Variants in MAP2K4 observed in about 807,000 individuals in gnomAD.
MAP2K4 encodes mitogen-activated protein kinase kinase 4.
MAP2K4 carries 4 observed loss-of-function variants against 48.5 expected under a neutral mutation model. The ratio of observed to expected loss-of-function variants is 0.08; its 90% CI spans 0.04 to 0.19. The LOEUF (loss-of-function observed/expected upper bound fraction) is 0.19, where lower values mean the gene tolerates loss of function less well. MAP2K4 is among the 10% of genes least tolerant of loss of function. The pLI, the probability that MAP2K4 is intolerant of heterozygous loss-of-function variation, is 1.00. For missense variants in MAP2K4, 258 were observed against 493.3 expected (o/e 0.52, Z 4.52); for synonymous variants, 166 against 173.1 (o/e 0.96, Z 0.32).
intron 2 of MAP2K4, among the ~76,000 whole-genome samples, chr17:12,065,648 C>G (rs978069163): frequency 6.6e-6 from 1 of 152,114 alleles, no homozygotes; most frequent in Non-Finnish European, 1.5e-5. Flanking sequence ...GTTGGCCAGG[C>G]TTGTCTCGAA....
chr17:12,124,471 G>C (rs1972788385), intron 7 of MAP2K4: 1 of 152,120 alleles, frequency 6.6e-6, no homozygotes, highest in South Asian at 2.1e-4. Flanking sequence ...ACACATATGT[G>C]TAGTGATAAA....
chr17:12,114,455 T>G (rs1000554449), intron 7 of MAP2K4, among the ~76,000 whole-genome samples: 1 of 151,974 alleles, frequency 6.6e-6, no homozygotes, highest in South Asian at 2.1e-4. Context: ...TTTAAACTTT[T>G]GGTTTTGTGG....
chr17:12,031,116 G>T (rs552924422), intron 1 of MAP2K4, among the ~76,000 whole-genome samples: 14 of 152,288 alleles, frequency 9.2e-5, no homozygotes, highest in Admixed American at 7.8e-4. Flanking sequence ...TTCTAGGTTT[G>T]CCCTAGTACT....
chr17:12,077,392 T>C (rs1180679743), intron 2 of MAP2K4, among the ~76,000 whole-genome samples: 1 of 152,212 alleles, frequency 6.6e-6, no homozygotes, highest in East Asian at 1.9e-4. Flanking sequence ...TAATTAAAAT[T>C]AAGTTTGTTT....
At chr17:12,096,174 ATAATCCTGAAG>A (rs1022189651) in intron 4 of MAP2K4, among the ~76,000 whole-genome samples, 4 of 148,074 alleles carry the variant, frequency 2.7e-5, no homozygotes, top group Non-Finnish European at 5.9e-5. Flanking sequence ...GTCCCTGCCC[ATAATCCTGAAG>A]TATACCCATC....
At chr17:12,122,715 A>G (rs986390398) in intron 7 of MAP2K4, among the ~76,000 whole-genome samples, 3 of 152,190 alleles carry the variant, frequency 2.0e-5, no homozygotes, top group African/African-American at 7.2e-5. Flanking sequence ...TATGCCCAAT[A>G]TTAATTAAAA....
intron 2 of MAP2K4, among the ~76,000 whole-genome samples, chr17:12,064,065 C>T (rs947558458): frequency 4.6e-5 from 7 of 151,250 alleles, no homozygotes; most frequent in African/African-American, 1.7e-4. Context: ...AGAAAACATT[C>T]ACAATGTATA....
In MAP2K4 at chr17:12,142,915, C is replaced by A. The variant is rs1210067401; in HGVS notation, c.*1655C>A. ...GATGCAGGTGATGCCATTACAGAAC[C>A]AAATCGTGGCACGTATTGCTGTGTC... On this transcript the variant is annotated 3_prime_UTR_variant, in exon 11 of 11. Coordinates refer to ENST00000353533, the MANE Select transcript of MAP2K4 (RefSeq NM_003010.4). The A allele has an allele frequency of 2.1e-5, 5 of 232,638 alleles. No individual in the cohort carries two copies. Among genetic ancestry groups the A allele is most frequent in the Non-Finnish European group, 4.2e-5 (5 of 117,730 alleles). The allele number at this position is 232,638 out of a possible 1,614,324, so 14.4% of individuals were successfully genotyped here.
chr17:12,127,882 A>G (rs1972900716), intron 8 of MAP2K4, among the ~76,000 whole-genome samples: 1 of 152,212 alleles, frequency 6.6e-6, no homozygotes, highest in South Asian at 2.1e-4. Context: ...GAGCTGACAG[A>G]GGCATCCTTT....
At chr17:12,031,928 G>T (rs1275466083) in intron 1 of MAP2K4, among the ~76,000 whole-genome samples, 1 of 152,104 alleles carries the variant, frequency 6.6e-6, no homozygotes, top group African/African-American at 2.4e-5. Context: ...TTTGTAGGTT[G>T]AAAACATTGA....
intron 1 of MAP2K4, among the ~76,000 whole-genome samples, chr17:12,029,083 C>T (rs1969348024): frequency 6.6e-6 from 1 of 152,098 alleles, no homozygotes; most frequent in Non-Finnish European, 1.5e-5. Context: ...ACATCCTAAA[C>T]AGCCGCTTAC....
intron 1 of MAP2K4, among the ~76,000 whole-genome samples, chr17:12,033,095 C>T (rs1163815696): frequency 6.6e-6 from 1 of 151,478 alleles, no homozygotes; most frequent in Non-Finnish European, 1.5e-5. Flanking sequence ...CTTGGCCTCC[C>T]AAAATGCCAA....
intron 1 of MAP2K4, 86 bp downstream of exon 1, chr17:12,021,087 C>A: frequency 1.2e-6 from 1 of 815,548 alleles, no homozygotes; most frequent in Non-Finnish European, 1.6e-6. Flanking sequence ...CGCCCCCGGA[C>A]CCGGCTGAGG....
chr17:12,023,820 C>G (rs372478658), intron 1 of MAP2K4, among the ~76,000 whole-genome samples: 34 of 152,096 alleles, frequency 2.2e-4, no homozygotes, highest in Non-Finnish European at 7.4e-5. Context: ...CTTGGCCTTT[C>G]GAAGCCTCAG....
At chr17:12,072,896 C>T (rs995882243) in intron 2 of MAP2K4, among the ~76,000 whole-genome samples, 3 of 152,108 alleles carry the variant, frequency 2.0e-5, no homozygotes, top group African/African-American at 7.2e-5. Context: ...AAACACAACT[C>T]ACATAGTATT....
In MAP2K4 at chr17:12,069,729, G is replaced by A. The variant is rs117463134; in HGVS notation, c.219-11627G>A. ...CAGTTTCCATGGTAACTGACAGACCGAGTTTACTGTGGAAATTTCCGGAAT... is the reference window on the plus strand; with the variant it reads ...CAGTTTCCATGGTAACTGACAGACCAAGTTTACTGTGGAAATTTCCGGAAT... On this transcript the variant is annotated intron_variant, in intron 2 of 10. Coordinates refer to ENST00000353533, the MANE Select transcript of MAP2K4 (RefSeq NM_003010.4). 502 of 1,073,618 alleles carry A rather than the reference G, an allele frequency of 4.7e-4. 13 individuals are homozygous for A. In the East Asian group the frequency reaches 0.041, roughly 87 times the overall value. 66.5% of individuals were successfully genotyped at this position (1,073,618 alleles called of 1,614,324 possible). A position where few individuals can be genotyped will look rare whatever the true frequency, so the allele number is the denominator to read the frequency against.
chr17:12,062,803 A>G (rs559034281), intron 2 of MAP2K4, among the ~76,000 whole-genome samples: 1 of 152,048 alleles, frequency 6.6e-6, no homozygotes, highest in Admixed American at 6.5e-5. Context: ...TTTGTATGTG[A>G]TCTCTTTTTT....
intron 2 of MAP2K4, chr17:12,069,956 T>A (rs1388309909): frequency 8.5e-6 from 1 of 117,254 alleles, no homozygotes; most frequent in African/African-American, 4.3e-5. Context: ...TATATATGCA[T>A]GCTGAGGAGA....
intron 2 of MAP2K4, among the ~76,000 whole-genome samples, chr17:12,070,346 T>C (rs1363583176): frequency 6.6e-6 from 1 of 152,136 alleles, no homozygotes; most frequent in African/African-American, 2.4e-5. Context: ...TCCAGGATAT[T>C]AAACAAGGAG....
Sources: allele counts gnomAD v4.1 joint callset (sites outside exome capture counted in the v4.1 genomes callset), GRCh38; gene constraint gnomAD v4.1.1; transcripts MANE v1.5; gene names NCBI Gene and HGNC (gene_info 2026-07-23, HGNC 2026-07-21).